SKI: variants seen among roughly 807,000 people sequenced by gnomAD.
The protein encoded by SKI is ski oncogene.
Under a neutral mutation model 59.3 loss-of-function variants are expected in SKI, and 23 were observed. The ratio of observed to expected loss-of-function variants is 0.39; its 90% CI spans 0.28 to 0.55. SKI has a LOEUF of 0.55. Among genes scored for constraint, SKI ranks in the 20% least tolerant of loss-of-function variants. The pLI, the probability that SKI is intolerant of heterozygous loss-of-function variation, is 0.67. For synonymous variants in SKI, 673 were observed against 488.6 expected (o/e 1.38, Z -4.98); for missense variants, 1,017 against 1,038.9 (o/e 0.98, Z 0.29).
intron 1 of SKI, among the ~76,000 whole-genome samples, chr1:2,233,120 C>T (rs953017794): frequency 2.1e-4 from 32 of 152,126 alleles, no homozygotes; most frequent in African/African-American, 7.5e-4. Flanking sequence ...CAAGCGCTTT[C>T]CGTGCAGGCT....
At chr1:2,296,771 G>A (rs1445297066) in intron 1 of SKI, among the ~76,000 whole-genome samples, 4 of 152,104 alleles carry the variant, frequency 2.6e-5, no homozygotes, top group Non-Finnish European at 5.9e-5. Flanking sequence ...TCTGTTCCTT[G>A]TGCTTTGGTG....
intron 1 of SKI, among the ~76,000 whole-genome samples, chr1:2,299,990 C>T (rs566729371): frequency 6.6e-6 from 1 of 152,360 alleles, no homozygotes; most frequent in South Asian, 2.1e-4. Context: ...ACCGCCTCTG[C>T]ATAGGTCCTG....
intron 1 of SKI, among the ~76,000 whole-genome samples, chr1:2,249,667 C>G (rs889097420): frequency 6.6e-6 from 1 of 152,214 alleles, no homozygotes; most frequent in Admixed American, 6.5e-5. Flanking sequence ...GAGGGAAGAG[C>G]CAGCACAGAG....
intron 1 of SKI, among the ~76,000 whole-genome samples, chr1:2,300,924 C>T (rs998214615): frequency 9.9e-5 from 15 of 152,206 alleles, no homozygotes; most frequent in African/African-American, 3.1e-4. Context: ...CTCCACGGGG[C>T]GGCTGTTGGG....
At chr1:2,250,941 C>G (rs1279608288) in intron 1 of SKI, among the ~76,000 whole-genome samples, 1 of 152,262 alleles carries the variant, frequency 6.6e-6, no homozygotes, top group African/African-American at 2.4e-5. Context: ...AAGCGGCCCC[C>G]ATGCTTTTCT....
rs1023429347 is a variant in SKI at position 2,309,548 on chromosome 1, C to T, written c.*2783C>T. ...TCTTACCTGAGAGTTGTCTTGTTTT[C>T]TGGGCTGTTTTTAACTGAGGAAAAA... On this transcript the variant is annotated 3_prime_UTR_variant, in exon 7 of 7. Transcript: ENST00000378536. The T allele has an allele frequency of 2.6e-5, 4 of 151,996 alleles. No individual in the cohort carries two copies. Among genetic ancestry groups the T allele is most frequent in the Admixed American group, 2.0e-4 (3 of 15,274 alleles). 9.4% of individuals were successfully genotyped at this position (151,996 alleles called of 1,614,324 possible). A position where few individuals can be genotyped will look rare whatever the true frequency, so the allele number is the denominator to read the frequency against.
intron 1 of SKI, among the ~76,000 whole-genome samples, chr1:2,278,810 T>C (rs954679516): frequency 2.0e-5 from 3 of 152,078 alleles, no homozygotes; most frequent in African/African-American, 4.8e-5. Flanking sequence ...GCAGCACCCA[T>C]GCGCACACGT....
intron 1 of SKI, among the ~76,000 whole-genome samples, chr1:2,291,098 C>T (rs900007624): frequency 1.3e-5 from 2 of 152,206 alleles, no homozygotes; most frequent in African/African-American, 2.4e-5. Flanking sequence ...ACTGAAGCAG[C>T]GAGGGGACCC....
intron 1 of SKI, among the ~76,000 whole-genome samples, chr1:2,295,205 C>T (rs189309635): frequency 1.9e-3 from 286 of 152,308 alleles, no homozygotes; most frequent in Non-Finnish European, 3.0e-3. Context: ...GCCAGTGTGG[C>T]AGCCCTGCGC....
At position 2,229,804 on chromosome 1, in the gene SKI, C is replaced by T. The variant is rs1181577381; in HGVS notation, c.969+69C>T. 20 of 1,547,882 alleles carry T rather than the reference C, an allele frequency of 1.3e-5. No homozygotes were observed. The highest frequency in any genetic ancestry group is 4.9e-5 in the East Asian group (2 of 40,888). On this transcript the variant is annotated intron_variant, in intron 1 of 6. Coordinates refer to ENST00000378536, the MANE Select transcript of SKI (RefSeq NM_003036.4). The surrounding 1 kb of genome is among the most constrained non-coding windows in gnomAD (Gnocchi z 6.3). ...GTGGGGGCCCCTTCTGGACTACAGG[C>T]TCTGGTCTCCGAAGGCTGGGACCTG... is the stretch of plus-strand genomic sequence containing the variant.
Position 2,307,539 on chromosome 1 carries a change from G to T in SKI, c.*774G>T, listed in dbSNP as rs1270790272. The T allele has an allele frequency of 6.6e-6, 1 of 152,436 alleles. No homozygotes were observed. The highest frequency in any genetic ancestry group is 2.4e-5 in the African/African-American group (1 of 41,454). The allele number at this position is 152,436 out of a possible 1,614,324, so 9.4% of individuals were successfully genotyped here. ...CCACCACGAGGCACTGACCTGCGTC[G>T]GGTGGTGACCGTGGCTGGCGGTCAC... On this transcript the variant is annotated 3_prime_UTR_variant, in exon 7 of 7. Coordinates refer to ENST00000378536, the MANE Select transcript of SKI (RefSeq NM_003036.4).
chr1:2,274,277 A>G (rs550697957), intron 1 of SKI, among the ~76,000 whole-genome samples: 7 of 152,174 alleles, frequency 4.6e-5, no homozygotes, highest in African/African-American at 1.4e-4. Flanking sequence ...GTCTTTGCAA[A>G]TACTTGGTTC....
intron 1 of SKI, among the ~76,000 whole-genome samples, chr1:2,260,535 CTTTTTTT>C (rs3065260): frequency 2.9e-4 from 20 of 67,820 alleles, no homozygotes; most frequent in Middle Eastern, 0.012. Context: ...TGTTCTTTTT[CTTTTTTT>C]TTTTTTTTTT....
chr1:2,291,338 A>G (rs371724023), intron 1 of SKI, among the ~76,000 whole-genome samples: 2 of 152,234 alleles, frequency 1.3e-5, no homozygotes, highest in African/African-American at 4.8e-5. Flanking sequence ...CCCCAGTGTC[A>G]TCAGGCTGGT....
rs1350407273 is a variant in SKI at position 2,308,392 on chromosome 1, T to C, written c.*1627T>C. On this transcript the variant is annotated 3_prime_UTR_variant, in exon 7 of 7. Coordinates refer to ENST00000378536, the MANE Select transcript of SKI (RefSeq NM_003036.4). Reference sequence around the variant, plus strand: ...TGCTGCTGAAGCCCCCCACCCCTTCTAAAGTGCAATGCAAAAGGGACATCA... The same window carrying C: ...TGCTGCTGAAGCCCCCCACCCCTTCCAAAGTGCAATGCAAAAGGGACATCA... 1 of 152,234 alleles carries C rather than the reference T, an allele frequency of 6.6e-6. No individual in the cohort carries two copies. The highest frequency in any genetic ancestry group is 1.5e-5 in the Non-Finnish European group (1 of 68,042). The allele number at this position is 152,234 out of a possible 1,614,324, so 9.4% of individuals were successfully genotyped here.
chr1:2,248,582 C>T (rs556595286), intron 1 of SKI, among the ~76,000 whole-genome samples: 58 of 152,286 alleles, frequency 3.8e-4, no homozygotes, highest in African/African-American at 1.4e-3. Context: ...AGCCTTTGAC[C>T]TGAGGCGGGG....
At chr1:2,302,229 C>A (rs1289234552) in intron 1 of SKI, among the ~76,000 whole-genome samples, 2 of 152,116 alleles carry the variant, frequency 1.3e-5, no homozygotes, top group Admixed American at 6.5e-5. Flanking sequence ...CCAGCGGGAC[C>A]TGGTTCTGGG....
chr1:2,265,421 A>C (rs1222626086), intron 1 of SKI, among the ~76,000 whole-genome samples: 1 of 152,128 alleles, frequency 6.6e-6, no homozygotes, highest in African/African-American at 2.4e-5. Context: ...TTAATCCCAT[A>C]TAGCGGATGT....
Position 2,228,762 on chromosome 1 carries a change from G to T in SKI, c.-5G>T, listed in dbSNP as rs1638559986. The T allele has an allele frequency of 8.1e-7, 1 of 1,231,102 alleles. No homozygotes were observed. The highest frequency in any genetic ancestry group is 1.0e-6 in the Non-Finnish European group (1 of 971,324). The allele number at this position is 1,231,102 out of a possible 1,614,324, so 76.3% of individuals were successfully genotyped here. A position where few individuals can be genotyped will look rare whatever the true frequency, so the allele number is the denominator to read the frequency against. Reference sequence around the variant, plus strand: ...CGGGAGCGGCCGGGGGAGCCGGAGCGCACCATGGAGGCGGCGGCAGGCGGC... The same window carrying T: ...CGGGAGCGGCCGGGGGAGCCGGAGCTCACCATGGAGGCGGCGGCAGGCGGC... On this transcript the variant is annotated 5_prime_UTR_variant, in exon 1 of 7. Coordinates refer to ENST00000378536, the MANE Select transcript of SKI (RefSeq NM_003036.4).
Sources: allele counts gnomAD v4.1 joint callset (sites outside exome capture counted in the v4.1 genomes callset), GRCh38; gene constraint gnomAD v4.1.1; non-coding constraint Gnocchi (gnomAD v3.1); transcripts MANE v1.5; gene names NCBI Gene and HGNC (gene_info 2026-07-23, HGNC 2026-07-21).